The following WDR41 variants were observed in gnomAD, a reference collection of about 807,000 sequenced individuals.
The protein encoded by WDR41 is WD repeat-containing protein 41.
In WDR41, 63 loss-of-function variants were observed where a neutral mutation model predicts 69.3. The observed-to-expected ratio is 0.91, with a 90% CI of 0.74 to 1.12. The LOEUF (loss-of-function observed/expected upper bound fraction) is 1.12, where lower values mean the gene tolerates loss of function less well. WDR41 is among the 50% of genes most tolerant of loss of function. WDR41 has a pLI of 0.00. For missense variants in WDR41, 543 were observed against 534.5 expected (o/e 1.02, Z -0.16); for synonymous variants, 185 against 192.1 (o/e 0.96, Z 0.31).
At chr5:77,504,245 C>T (rs907880972) in intron 1 of WDR41, among the ~76,000 whole-genome samples, 2 of 151,528 alleles carry the variant, frequency 1.3e-5, no homozygotes, top group Non-Finnish European at 1.5e-5. Context: ...GAATACTATA[C>T]CTCTATGCAA....
intron 1 of WDR41, among the ~76,000 whole-genome samples, chr5:77,543,768 T>C (rs1219510504): frequency 6.6e-6 from 1 of 152,128 alleles, no homozygotes; most frequent in Non-Finnish European, 1.5e-5. Flanking sequence ...CTTGCCTTGC[T>C]AGATACCTAG....
chr5:77,612,412 A>G (rs1744579595), intron 1 of WDR41, among the ~76,000 whole-genome samples: 2 of 152,190 alleles, frequency 1.3e-5, no homozygotes, highest in South Asian at 2.1e-4. Context: ...CTGGGAAACC[A>G]AATCCAGCAA....
chr5:77,527,015 G>T (rs977708660), intron 1 of WDR41, among the ~76,000 whole-genome samples: 8 of 151,868 alleles, frequency 5.3e-5, no homozygotes, highest in African/African-American at 1.7e-4. Flanking sequence ...AAACAAAAAT[G>T]CAAATTTTCT....
chr5:77,512,526 C>T (rs555539097), intron 1 of WDR41, among the ~76,000 whole-genome samples: 19 of 151,052 alleles, frequency 1.3e-4, no homozygotes, highest in Admixed American at 7.9e-4. Context: ...CCGAGGCAGG[C>T]GGATCATGAG....
intron 1 of WDR41, among the ~76,000 whole-genome samples, chr5:77,550,809 A>G (rs1017203206): frequency 1.3e-5 from 2 of 152,222 alleles, no homozygotes; most frequent in African/African-American, 4.8e-5. Flanking sequence ...CACTACTCAT[A>G]ATAGCAAAGA....
At chr5:77,451,585 G>GT (rs1256864857) in intron 6 of WDR41, 1 of 429,694 alleles carries the variant, frequency 2.3e-6, no homozygotes, top group Non-Finnish European at 4.2e-6. Context: ...ATGGGGTTGG[G>GT]TTTTTTTGTA....
At chr5:77,537,387 A>C (rs888466632) in intron 1 of WDR41, among the ~76,000 whole-genome samples, 1 of 152,236 alleles carries the variant, frequency 6.6e-6, no homozygotes, top group African/African-American at 2.4e-5. Flanking sequence ...TTTGGTCAGG[A>C]GGCCGAAGAG....
At chr5:77,557,417 T>C (rs892342425) in intron 1 of WDR41, among the ~76,000 whole-genome samples, 4 of 151,794 alleles carry the variant, frequency 2.6e-5, no homozygotes, top group Non-Finnish European at 4.4e-5. Flanking sequence ...CACAATCCAA[T>C]AGAGAATGGA....
At chr5:77,603,678 G>A (rs926221721) in intron 1 of WDR41, among the ~76,000 whole-genome samples, 8 of 152,240 alleles carry the variant, frequency 5.3e-5, no homozygotes, top group African/African-American at 1.9e-4. Context: ...TTTGCTCTAT[G>A]TTTTCTTCCA....
intron 8 of WDR41, among the ~76,000 whole-genome samples, chr5:77,442,631 A>T (rs888697904): frequency 6.6e-6 from 1 of 151,998 alleles, no homozygotes; most frequent in Non-Finnish European, 1.5e-5. Flanking sequence ...GGTGGCTCAC[A>T]CCTGTAATCC....
At position 77,431,378 on chromosome 5, in the gene WDR41, A is replaced by G. The variant is rs1188655266; in HGVS notation, c.*1757T>C. 1.3e-5 allele frequency: 2 copies of G among 152,218 alleles called. No individual in the cohort carries two copies. The highest frequency in any genetic ancestry group is 1.9e-4 in the East Asian group (1 of 5,200). 9.4% of individuals were successfully genotyped at this position (152,218 alleles called of 1,614,324 possible). On this transcript the variant is annotated 3_prime_UTR_variant, in exon 13 of 13. Coordinates refer to ENST00000296679, the MANE Select transcript of WDR41 (RefSeq NM_018268.4). ...ATGATTGTTAGCATTTTTTAGCAATAAAGTATTCTTAAGGTATGTACATTT... is the reference window on the plus strand; with the variant it reads ...ATGATTGTTAGCATTTTTTAGCAATGAAGTATTCTTAAGGTATGTACATTT...
At chr5:77,465,655 TAATTTTTA>T (rs1425029864) in intron 2 of WDR41, among the ~76,000 whole-genome samples, 2 of 151,768 alleles carry the variant, frequency 1.3e-5, no homozygotes, top group African/African-American at 4.8e-5. Flanking sequence ...AGTTTGTAAA[TAATTTTTA>T]ATGACTCAGA....
At chr5:77,494,185 G>T (rs1044685727), upstream of WDR41, among the ~76,000 whole-genome samples, 41 of 152,090 alleles carry the variant, frequency 2.7e-4, no homozygotes, top group Non-Finnish European at 2.9e-5. Flanking sequence ...AAATGGAAAT[G>T]ATCAGGGAAT....
intron 1 of WDR41, among the ~76,000 whole-genome samples, chr5:77,567,424 G>A (rs1743653437): frequency 6.6e-6 from 1 of 151,918 alleles, no homozygotes; most frequent in South Asian, 2.1e-4. Context: ...ATCAACTACT[G>A]CCTGTACATT....
At chr5:77,586,721 C>CTTT (rs763627760) in intron 1 of WDR41, among the ~76,000 whole-genome samples, 5 of 130,120 alleles carry the variant, frequency 3.8e-5, no homozygotes, top group South Asian at 2.5e-4. Context: ...ATTATCTAAA[C>CTTT]TTTTTTTTTT....
chr5:77,476,162 A>G (rs1203098858), intron 2 of WDR41, among the ~76,000 whole-genome samples: 1 of 152,190 alleles, frequency 6.6e-6, no homozygotes, highest in Non-Finnish European at 1.5e-5. Context: ...TCCAAGAAAT[A>G]TGGGACTATG....
intron 4 of WDR41, among the ~76,000 whole-genome samples, chr5:77,460,207 C>T (rs762264330): frequency 6.6e-6 from 1 of 152,164 alleles, no homozygotes; most frequent in African/African-American, 2.4e-5. Context: ...ACTTAATGCA[C>T]CTCCCTTTCA....
chr5:77,575,597 C>T (rs972936429), intron 1 of WDR41, among the ~76,000 whole-genome samples: 1 of 152,148 alleles, frequency 6.6e-6, no homozygotes, highest in African/African-American at 2.4e-5. Flanking sequence ...CAGGTGTGCT[C>T]AGGTGTGCCC....
chr5:77,473,181 C>T (rs1800716390), intron 2 of WDR41, among the ~76,000 whole-genome samples: 1 of 152,130 alleles, frequency 6.6e-6, no homozygotes, highest in African/African-American at 2.4e-5. Context: ...CTGACAAAAA[C>T]AAGAAATGGG....
Sources: allele counts gnomAD v4.1 joint callset (sites outside exome capture counted in the v4.1 genomes callset), GRCh38; gene constraint gnomAD v4.1.1; transcripts MANE v1.5; gene names NCBI Gene and HGNC (gene_info 2026-07-23, HGNC 2026-07-21).